Variants in LAMA4 observed in about 807,000 individuals in gnomAD.
LAMA4 encodes the protein laminin subunit alpha-4.
In LAMA4, 127 loss-of-function variants were observed where a neutral mutation model predicts 207.1. That is an observed-to-expected ratio of 0.61 (90% CI 0.53 to 0.71). LAMA4 has a LOEUF of 0.71. Ranked by LOEUF, LAMA4 falls within the 30% of genes least tolerant of loss-of-function variation. LAMA4 has a pLI of 0.00. For missense variants in LAMA4, 2,093 were observed against 2,246.5 expected (o/e 0.93, Z 1.38); for synonymous variants, 761 against 816.0 (o/e 0.93, Z 1.15).
At chr6:112,176,290 G>A (rs183992153) in intron 10 of LAMA4, among the ~76,000 whole-genome samples, 5 of 152,284 alleles carry the variant, frequency 3.3e-5, no homozygotes, top group African/African-American at 1.2e-4. Context: ...TACATATGAT[G>A]AGAAGGAAGG....
chr6:112,186,193 A>G (rs374196124), intron 8 of LAMA4, among the ~76,000 whole-genome samples: 1 of 152,236 alleles, frequency 6.6e-6, no homozygotes, highest in Non-Finnish European at 1.5e-5. Flanking sequence ...ACTTCTGTAC[A>G]TATATCAATT....
chr6:112,207,190 T>C (rs1377124130), intron 3 of LAMA4, 45 bp from the exon 4 acceptor site: 9 of 1,609,488 alleles, frequency 5.6e-6, no homozygotes, highest in Non-Finnish European at 7.6e-6. Context: ...GCGAAAGAAA[T>C]TTTAGAGACA....
At chr6:112,248,878 T>G (rs1200980622) in intron 2 of LAMA4, among the ~76,000 whole-genome samples, 3 of 152,198 alleles carry the variant, frequency 2.0e-5, no homozygotes, top group Non-Finnish European at 2.9e-5. Context: ...GAAAATTTGG[T>G]TAAGGTAATT....
chr6:112,239,093 G>A (rs2114341089), intron 2 of LAMA4, among the ~76,000 whole-genome samples: 1 of 152,254 alleles, frequency 6.6e-6, no homozygotes, highest in South Asian at 2.1e-4. Flanking sequence ...GATCGAGGCA[G>A]GTGGATCACT....
chr6:112,120,230 A>C, intron 33 of LAMA4, 53 bp downstream of exon 33: 2 of 1,467,312 alleles, frequency 1.4e-6, no homozygotes, highest in Non-Finnish European at 1.9e-6. Flanking sequence ...ATTAGTGTCC[A>C]TTTGACAATG....
intron 18 of LAMA4, among the ~76,000 whole-genome samples, chr6:112,145,243 C>T (rs1779950607): frequency 6.6e-6 from 1 of 152,196 alleles, no homozygotes; most frequent in African/African-American, 2.4e-5. Context: ...GTATAACTGC[C>T]CTGCCGATGC....
chr6:112,139,666 G>C (rs1779568923), intron 23 of LAMA4, 86 bp downstream of exon 23: 1 of 1,532,988 alleles, frequency 6.5e-7, no homozygotes, highest in Non-Finnish European at 9.0e-7. Context: ...AGAAAAGTTT[G>C]AGAACCTGAA....
intron 27 of LAMA4, 42 bp from the exon 28 acceptor site, chr6:112,132,932 T>C (rs375495017): frequency 1.9e-6 from 3 of 1,596,360 alleles, no homozygotes; most frequent in Middle Eastern, 1.7e-4. Flanking sequence ...TTGAGAATTA[T>C]CAAATGCTTA....
intron 27 of LAMA4, 122 bp from the exon 28 acceptor site, chr6:112,133,012 T>A (rs1207946162): frequency 3.8e-6 from 4 of 1,059,090 alleles, no homozygotes; most frequent in Non-Finnish European, 5.7e-6. Context: ...ATTTTCCCAC[T>A]TCTGGTCTAT....
chr6:112,151,728 T>C (rs1020042264), intron 16 of LAMA4, among the ~76,000 whole-genome samples: 30 of 152,132 alleles, frequency 2.0e-4, no homozygotes, highest in African/African-American at 7.2e-4. Flanking sequence ...TGTCCTTGTA[T>C]TGTTTCTAAT....
intron 32 of LAMA4, 136 bp from the exon 33 acceptor site, chr6:112,120,608 C>CTT: frequency 1.4e-6 from 1 of 696,554 alleles, no homozygotes. Context: ...TTATTCCACA[C>CTT]TTAGTATTAT....
chr6:112,165,177 G>C lies in LAMA4; in HGVS notation c.1651C>G (p.Leu551Val), dbSNP rs782145143. 1.2e-6 allele frequency: 2 copies of C among 1,605,236 alleles called. No homozygotes were observed. The highest frequency in any genetic ancestry group is 1.1e-5 in the South Asian group (1 of 90,904). The change falls in exon 13 of 39, where the codon CTT becomes GTT. Residue 551 changes from leucine to valine, a missense_variant. Physicochemically the swap from Leu to Val is conservative, Grantham distance 32. Transcript: ENST00000230538. ...LTTPRLTLSE[L>V]DDIIKNASGI... ...GTCCTTACCTTTATTATATCATCAA[G>C]TTCTGAAAGAGTTAGACGAGGTGTT...
intron 2 of LAMA4, among the ~76,000 whole-genome samples, chr6:112,238,443 C>A (rs1554366863): frequency 6.6e-6 from 1 of 152,142 alleles, no homozygotes; most frequent in African/African-American, 2.4e-5. Flanking sequence ...GGCATGGTGG[C>A]TCATGCCTGT....
At chr6:112,150,429 G>T (rs1554335494) in intron 17 of LAMA4, 82 bp downstream of exon 17, 2 of 882,910 alleles carry the variant, frequency 2.3e-6, no homozygotes, top group East Asian at 2.4e-5. Flanking sequence ...GACAAACAAA[G>T]AATTACCTAA....
intron 2 of LAMA4, among the ~76,000 whole-genome samples, chr6:112,247,710 A>C (rs769569307): frequency 2.0e-5 from 3 of 152,130 alleles, no homozygotes; most frequent in Non-Finnish European, 4.4e-5. Flanking sequence ...TCTCTGTACC[A>C]TATGATCCAG....
chr6:112,171,664 T>C (rs1156404544), intron 12 of LAMA4: 1 of 127,770 alleles, frequency 7.8e-6, no homozygotes, highest in Non-Finnish European at 1.6e-5. Flanking sequence ...AAGATAATCA[T>C]GCATTCATTT....
intron 2 of LAMA4, among the ~76,000 whole-genome samples, chr6:112,246,670 C>A (rs973036146): frequency 5.9e-5 from 9 of 152,142 alleles, no homozygotes; most frequent in Non-Finnish European, 1.2e-4. Flanking sequence ...CAGGCACCTG[C>A]CACCATGTCC....
Position 112,187,563 on chromosome 6 carries a change from G to T in LAMA4, c.853C>A (p.Arg285=), listed in dbSNP as rs562606710. 1 of 1,613,738 alleles carries T rather than the reference G, an allele frequency of 6.2e-7. No homozygotes were observed. The highest frequency in any genetic ancestry group is 1.3e-5 in the African/African-American group (1 of 74,902). ...TCCTCGATGGAGAGCGCTGCTAACC[G>T]CAGGTCATCAGTCAGGTCCCAGACG... The part of the protein sequence containing the change: ...KCVWDLTDDL[R]LAALSIEEGK... Residue 285 remains arginine (R), a synonymous_variant, in exon 8 of 39, where the codon CGG becomes AGG. Transcript: ENST00000230538.
chr6:112,163,582 G>A (rs1257135499), intron 13 of LAMA4, among the ~76,000 whole-genome samples: 1 of 152,044 alleles, frequency 6.6e-6, no homozygotes, highest in Admixed American at 6.6e-5. Context: ...TGGTGACCTG[G>A]ACAGGAACAG....
Sources: gnomAD v4.1 joint callset for allele counts (sites outside exome capture counted in the v4.1 genomes callset) on GRCh38, gnomAD v4.1.1 for gene constraint, MANE v1.5 for transcripts, NCBI Gene and HGNC (gene_info 2026-07-23, HGNC 2026-07-21) for gene names.